The following OPCML variants were observed in gnomAD, a reference collection of about 807,000 sequenced individuals.
OPCML encodes the protein opioid-binding protein/cell adhesion molecule.
In OPCML, 13 loss-of-function variants were observed where a neutral mutation model predicts 37.8. The ratio of observed to expected loss-of-function variants is 0.34; its 90% confidence interval spans 0.22 to 0.55. The LOEUF is 0.55. Ranked by LOEUF, OPCML falls within the 20% of genes least tolerant of loss-of-function variation. The pLI is 0.91. For missense variants in OPCML, 341 were observed against 435.6 expected, an observed-to-expected ratio of 0.78 and a Z score of 1.93; for synonymous variants, 176 against 168.8, an observed-to-expected ratio of 1.04 and a Z score of -0.33.
intron 2 of OPCML, among the ~76,000 whole-genome samples, chr11:132,855,042 T>C (rs371146745): frequency 1.3e-5 from 2 of 152,202 alleles, no homozygotes; most frequent in East Asian, 3.8e-4. Flanking sequence ...AATAAAAGGC[T>C]ATGAGATTAG....
chr11:132,905,686 G>A (rs1178408873), intron 2 of OPCML, among the ~76,000 whole-genome samples: 1 of 151,874 alleles, frequency 6.6e-6, no homozygotes, highest in African/African-American at 2.4e-5. Flanking sequence ...AATAGTGGCA[G>A]GATAATCTAG....
intron 1 of OPCML, among the ~76,000 whole-genome samples, chr11:133,460,198 A>G (rs75196642): frequency 0.021 from 3,175 of 152,026 alleles, 110 homozygotes; most frequent in African/African-American, 0.072. Flanking sequence ...GTCATACCAA[A>G]ACTTATGAGA....
At chr11:132,787,707 G>T (rs1218103912) in intron 2 of OPCML, among the ~76,000 whole-genome samples, 1 of 152,110 alleles carries the variant, frequency 6.6e-6, no homozygotes, top group African/African-American at 2.4e-5. Flanking sequence ...AAATGTTAAA[G>T]TTCTTTAGAA....
intron 3 of OPCML, among the ~76,000 whole-genome samples, chr11:132,651,769 TAG>T (rs1217342412): frequency 6.6e-6 from 1 of 152,182 alleles, no homozygotes; most frequent in Non-Finnish European, 1.5e-5. Context: ...CTAAGAGATG[TAG>T]AGTCTTTTGT....
intron 1 of OPCML, among the ~76,000 whole-genome samples, chr11:133,088,564 C>T (rs1444201226): frequency 6.6e-6 from 1 of 152,176 alleles, no homozygotes; most frequent in Non-Finnish European, 1.5e-5. Flanking sequence ...AATTGGGTTA[C>T]AATACCAAAG....
chr11:133,477,248 T>C (rs1485314810), intron 1 of OPCML, among the ~76,000 whole-genome samples: 2 of 152,194 alleles, frequency 1.3e-5, no homozygotes, highest in South Asian at 4.1e-4. Flanking sequence ...TTAGCATAGA[T>C]TTTAGAGGAT....
chr11:132,672,403 G>A (rs922472123), intron 2 of OPCML, among the ~76,000 whole-genome samples: 5 of 152,064 alleles, frequency 3.3e-5, no homozygotes, highest in African/African-American at 9.7e-5. Context: ...GTGCATTTGG[G>A]GTCCTAAAGT....
chr11:133,039,114 G>A lies in OPCML; in HGVS notation c.62-96104C>T, dbSNP rs185804077. On this transcript the variant is annotated intron_variant, in intron 1 of 7. Coordinates refer to ENST00000524381, the MANE Select transcript of OPCML (RefSeq NM_001012393.5). ...TTCACAACTCCAAGGCCTTTTCAGC[G>A]CCTTCAGAGTGCATTCCACAGGCGG... Among the ~76,000 whole-genome samples the A allele has an allele frequency of 2.3e-3, 353 of 152,264 alleles. 8 individuals carry two copies. The highest frequency in any genetic ancestry group is 0.021 in the Admixed American group (316 of 15,292).
chr11:133,516,863 T>C (rs1948289068), intron 1 of OPCML, among the ~76,000 whole-genome samples: 2 of 152,258 alleles, frequency 1.3e-5, no homozygotes, highest in African/African-American at 4.8e-5. Context: ...ATATTCTGGA[T>C]GCAGGTCTGT....
chr11:132,932,946 G>A (rs1447083741), intron 2 of OPCML, among the ~76,000 whole-genome samples: 4 of 151,826 alleles, frequency 2.6e-5, no homozygotes, highest in East Asian at 1.9e-4. Flanking sequence ...TACCAGAGTT[G>A]GGATTCAAAA....
At chr11:133,100,831 C>T (rs1053257876) in intron 1 of OPCML, among the ~76,000 whole-genome samples, 2 of 152,080 alleles carry the variant, frequency 1.3e-5, no homozygotes. Flanking sequence ...GATCATAGGC[C>T]CAGATGTAAA....
At chr11:132,621,844 G>A (rs1000141307) in intron 3 of OPCML, among the ~76,000 whole-genome samples, 3 of 152,072 alleles carry the variant, frequency 2.0e-5, no homozygotes, top group African/African-American at 7.2e-5. Flanking sequence ...AAAACATATG[G>A]ATAAGAGCAC....
chr11:132,952,692 T>C (rs578164879), intron 1 of OPCML, among the ~76,000 whole-genome samples: 27 of 152,266 alleles, frequency 1.8e-4, no homozygotes, highest in African/African-American at 6.3e-4. Flanking sequence ...CCAGCTCTGC[T>C]ACTTCCAAGC....
chr11:133,113,744 CCCACCG>C (rs1336625445), intron 1 of OPCML, among the ~76,000 whole-genome samples: 1 of 152,162 alleles, frequency 6.6e-6, no homozygotes, highest in Non-Finnish European at 1.5e-5. Context: ...GTCTTAGCTT[CCCACCG>C]CAGGTAAGAA....
At chr11:133,062,274 G>T (rs913882707) in intron 1 of OPCML, among the ~76,000 whole-genome samples, 2 of 152,142 alleles carry the variant, frequency 1.3e-5, no homozygotes, top group Non-Finnish European at 2.9e-5. Context: ...CTGCCAGACT[G>T]GACAGACCCG....
rs200828315 is a variant in OPCML, at chr11:132,482,857, C to G, written c.506-45498G>C. On this transcript the variant is annotated intron_variant, in intron 4 of 7. Coordinates refer to ENST00000524381, the MANE Select transcript of OPCML (RefSeq NM_001012393.5). ...CAATAGATGCAGAAAAGGCCTTTGA[C>G]AAAATTCAACAACCTTTCATGCTAA... Among the ~76,000 whole-genome samples the G allele has an allele frequency of 6.4e-3, 959 of 150,784 alleles. 13 individuals are homozygous for G. The highest frequency in any genetic ancestry group is 0.062 in the East Asian group (321 of 5,158).
chr11:132,496,051 T>C (rs562530206), intron 4 of OPCML, among the ~76,000 whole-genome samples: 49 of 152,334 alleles, frequency 3.2e-4, no homozygotes, highest in Non-Finnish European at 5.6e-4. Context: ...CCCTGAGGCA[T>C]GGACAGTGTT....
chr11:132,961,010 C>T (rs1205221665), intron 1 of OPCML, among the ~76,000 whole-genome samples: 1 of 152,148 alleles, frequency 6.6e-6, no homozygotes, highest in Non-Finnish European at 1.5e-5. Context: ...TAGCAGCCTC[C>T]ATCTAGAGCA....
At chr11:132,436,382 C>A in intron 6 of OPCML, 145 bp from the exon 7 acceptor site, 1 of 1,543,224 alleles carries the variant, frequency 6.5e-7, no homozygotes, top group South Asian at 1.2e-5. Context: ...AAATGATGCT[C>A]TTGCCCAATG....
Sources: allele counts gnomAD v4.1 joint callset (sites outside exome capture counted in the v4.1 genomes callset), GRCh38; gene constraint gnomAD v4.1.1; transcripts MANE v1.5; gene names NCBI Gene and HGNC (gene_info 2026-07-23, HGNC 2026-07-21).